Variants in TMEM183A observed in about 807,000 individuals in gnomAD.
TMEM183A encodes transmembrane protein 183A.
In TMEM183A, 21 loss-of-function variants were observed where a neutral mutation model predicts 46.7. The ratio of observed to expected loss-of-function variants is 0.45; its 90% CI spans 0.32 to 0.65. TMEM183A has a LOEUF of 0.65. TMEM183A is among the 30% of genes least tolerant of loss of function. The probability of loss-of-function intolerance (pLI) is 0.04; values close to 1 mark genes in which losing one functional copy is unlikely to be tolerated. For synonymous variants in TMEM183A, 165 were observed against 180.2 expected, an observed-to-expected ratio of 0.92 and a Z score of 0.68; for missense variants, 331 against 481.9, an observed-to-expected ratio of 0.69 and a Z score of 2.93.
chr1:203,007,659 G>T (rs529456833), intron 1 of TMEM183A, 85 bp downstream of exon 1: 2 of 1,537,722 alleles, frequency 1.3e-6, no homozygotes, highest in South Asian at 1.2e-5. Flanking sequence ...GAGCGCTCGC[G>T]TGCCCGCGGC....
intron 2 of TMEM183A, 142 bp from the exon 3 acceptor site, chr1:203,008,501 T>C: frequency 1.5e-6 from 1 of 675,074 alleles, no homozygotes; most frequent in Non-Finnish European, 2.1e-6. Flanking sequence ...CTTTATTTTT[T>C]TTGGTGACAG....
At chr1:203,015,083 T>C in intron 4 of TMEM183A, 35 bp downstream of exon 4, 1 of 1,604,838 alleles carries the variant, frequency 6.2e-7, no homozygotes, top group Non-Finnish European at 8.5e-7. Context: ...TTTATCTGTG[T>C]GGCTGATTTC....
Position 203,022,984 on chromosome 1 carries a change from A to G in TMEM183A, c.1075A>G (p.Ser359Gly), listed in dbSNP as rs1415977989. The G allele has an allele frequency of 1.1e-5, 18 of 1,600,496 alleles. No individual in the cohort carries two copies. The Admixed American group carries it at 2.9e-4, about 25-fold the overall frequency. Residue 359 changes from serine (S) to glycine (G), a missense_variant, in exon 8 of 8, where the codon AGC becomes GGC. Ser to Gly is a moderately conservative substitution (Grantham distance 56). Transcript: ENST00000367242. ...GVQVILDPVH[S>G]VRLFDWWHPQ... ...GCAAGTCATCCTGGACCCAGTGCAC[A>G]GCGTTCGGCTCTTTGACTGGTGGCA...
intron 5 of TMEM183A, among the ~76,000 whole-genome samples, chr1:203,017,185 G>A (rs1657245979): frequency 6.6e-6 from 1 of 152,064 alleles, no homozygotes; most frequent in Non-Finnish European, 1.5e-5. Context: ...CGGGAGAGTA[G>A]AATTTCACCC....
At chr1:203,015,337 G>T in intron 4 of TMEM183A, 2 of 420,184 alleles carry the variant, frequency 4.8e-6, no homozygotes, top group Non-Finnish European at 8.5e-6. Context: ...TTCTTCAGAG[G>T]CTTATTTTAG....
Position 203,023,533 on chromosome 1 carries a change from G to C in TMEM183A, c.*493G>C, listed in dbSNP as rs1017503385. On this transcript the variant is annotated 3_prime_UTR_variant, in exon 8 of 8. Coordinates refer to ENST00000367242, the MANE Select transcript of TMEM183A (RefSeq NM_138391.6). ...AATAAAGCAGGTGACAGGGTTTTCA[G>C]AATCTTACCATATTGACTTGTGTAT... 2.0e-5 allele frequency: 3 copies of C among 152,968 alleles called. No individual in the cohort carries two copies. The highest frequency in any genetic ancestry group is 7.2e-5 in the African/African-American group (3 of 41,420). The allele number at this position is 152,968 out of a possible 1,614,324, so 9.5% of individuals were successfully genotyped here. A position where few individuals can be genotyped will look rare whatever the true frequency, so the allele number is the denominator to read the frequency against.
intron 3 of TMEM183A, among the ~76,000 whole-genome samples, chr1:203,011,743 C>T (rs1047043967): frequency 3.9e-5 from 6 of 152,080 alleles, no homozygotes; most frequent in African/African-American, 7.2e-5. Context: ...ACTTCTTTAT[C>T]TATTCAGATT....
At chr1:203,016,239 G>C in intron 5 of TMEM183A, 99 bp downstream of exon 5, 1 of 1,550,018 alleles carries the variant, frequency 6.5e-7, no homozygotes, top group African/African-American at 1.4e-5. Context: ...GAGGGGTGTA[G>C]GTCCCAGGCT....
rs1657939286 is a variant in TMEM183A, at chr1:203,023,797, G to A, written c.*757G>A. 6.6e-6 allele frequency: 1 copy of A among 152,166 alleles called. No individual in the cohort carries two copies. Among genetic ancestry groups the A allele is most frequent in the Non-Finnish European group, 1.5e-5 (1 of 68,030 alleles). The allele number at this position is 152,166 out of a possible 1,614,324, so 9.4% of individuals were successfully genotyped here. A position where few individuals can be genotyped will look rare whatever the true frequency, so the allele number is the denominator to read the frequency against. On this transcript the variant is annotated 3_prime_UTR_variant, in exon 8 of 8. Coordinates refer to ENST00000367242, the MANE Select transcript of TMEM183A (RefSeq NM_138391.6). ...GACTGTACCTATAACACCAGTAAAT[G>A]CAGAGCCAAGATTCTGACCCAGGTC...
At chr1:203,020,540 A>G (rs1397488954) in intron 6 of TMEM183A, among the ~76,000 whole-genome samples, 2 of 152,198 alleles carry the variant, frequency 1.3e-5, no homozygotes, top group East Asian at 3.8e-4. Context: ...GTAAGTTTCC[A>G]TTTCTTGTCA....
At chr1:203,012,940 G>A (rs1484154909) in intron 3 of TMEM183A, among the ~76,000 whole-genome samples, 1 of 152,124 alleles carries the variant, frequency 6.6e-6, no homozygotes, top group East Asian at 1.9e-4. Flanking sequence ...AGCCGATCTC[G>A]AACTCCTGGG....
chr1:203,009,873 C>T (rs564206788), intron 3 of TMEM183A, among the ~76,000 whole-genome samples: 9 of 152,106 alleles, frequency 5.9e-5, no homozygotes, highest in African/African-American at 1.9e-4. Context: ...TGGTGGCTCA[C>T]GCTTGTAATC....
intron 3 of TMEM183A, among the ~76,000 whole-genome samples, chr1:203,011,867 GT>G (rs1010301890): frequency 5.8e-5 from 3 of 51,690 alleles, no homozygotes; most frequent in Non-Finnish European, 7.4e-5. Flanking sequence ...CATCAGACTG[GT>G]CTTTTTTTTT....
chr1:203,019,529 A>C (rs1657468700), intron 6 of TMEM183A, among the ~76,000 whole-genome samples: 2 of 152,156 alleles, frequency 1.3e-5, no homozygotes, highest in African/African-American at 4.8e-5. Flanking sequence ...ATGTTAAGAG[A>C]ACATATTAAG....
Position 203,023,220 on chromosome 1 carries a change from T to A in TMEM183A, c.*180T>A. 1 of 574,362 alleles carries A rather than the reference T, an allele frequency of 1.7e-6. No individual in the cohort carries two copies. 35.6% of individuals were successfully genotyped at this position (574,362 alleles called of 1,614,324 possible). On this transcript the variant is annotated 3_prime_UTR_variant, in exon 8 of 8. Transcript: ENST00000367242. ...CAAGAGGGAAAACAACTACTATGAT[T>A]TATAAACATATTTTAATGTAAAAAT... is the stretch of plus-strand genomic sequence containing the variant.
intron 6 of TMEM183A, among the ~76,000 whole-genome samples, chr1:203,020,155 T>C (rs1240181672): frequency 5.3e-5 from 8 of 152,216 alleles, no homozygotes. Context: ...AAGTAAACCT[T>C]ATTTTCCTAT....
chr1:203,021,413 A>T (rs1657671980), intron 7 of TMEM183A, among the ~76,000 whole-genome samples: 1 of 152,024 alleles, frequency 6.6e-6, no homozygotes, highest in Non-Finnish European at 1.5e-5. Flanking sequence ...TTTCAAAAAA[A>T]AAGTTTGAAC....
intron 3 of TMEM183A, 72 bp downstream of exon 3, chr1:203,008,882 T>G: frequency 7.1e-7 from 1 of 1,418,368 alleles, no homozygotes; most frequent in Non-Finnish European, 9.3e-7. Context: ...ACTTTCCCAG[T>G]AGCACAGGAG....
At chr1:203,017,684 G>A (rs1657297379) in intron 5 of TMEM183A, 1 of 971,852 alleles carries the variant, frequency 1.0e-6, no homozygotes, top group Non-Finnish European at 1.2e-6. Context: ...TTGCCAGCAT[G>A]CCTAAAGGAA....
Sources: allele counts gnomAD v4.1 joint callset (sites outside exome capture counted in the v4.1 genomes callset), GRCh38; gene constraint gnomAD v4.1.1; transcripts MANE v1.5; gene names NCBI Gene and HGNC (gene_info 2026-07-23, HGNC 2026-07-21).